The following KDM4C variants were observed in gnomAD, a reference collection of about 807,000 sequenced individuals.
The protein encoded by KDM4C is lysine demethylase 4C, also known as lysine-specific demethylase 4C.
A neutral mutation model predicts 129.3 loss-of-function variants in KDM4C; 81 were observed. That is an observed-to-expected ratio of 0.63 (90% CI 0.52 to 0.75). The LOEUF is 0.75. KDM4C is among the 30% of genes least tolerant of loss of function. KDM4C has a pLI of 0.00. For synonymous variants in KDM4C, 573 were observed against 456.1 expected (o/e 1.26, Z -3.26); for missense variants, 1,457 against 1,304.0 (o/e 1.12, Z -1.81).
At chr9:6,729,069 G>A (rs991475532) in intron 1 of KDM4C, among the ~76,000 whole-genome samples, 2 of 151,026 alleles carry the variant, frequency 1.3e-5, no homozygotes, top group African/African-American at 2.4e-5. Context: ...GCCGGGTGAG[G>A]TGGTGGGTGT....
rs1037826434 is a variant in KDM4C, at chr9:7,144,095, CTT to C, written c.2781+15863_2781+15864del. On this transcript the variant is annotated intron_variant, in intron 19 of 21. Transcript: ENST00000381309. ...TTTTGCATGTATACTCATTACTCCT[CTT>C]TTTGTTTTTTTTTTGTTTTTGTTTT... Among the ~76,000 whole-genome samples the C allele has an allele frequency of 2.6e-5, 4 of 151,748 alleles. No homozygotes were observed. The East Asian group carries it at 7.7e-4, about 29-fold the overall frequency.
At chr9:6,789,067 A>C (rs1826022728) in intron 1 of KDM4C, among the ~76,000 whole-genome samples, 1 of 149,794 alleles carries the variant, frequency 6.7e-6, no homozygotes, top group Non-Finnish European at 1.5e-5. Context: ...TTTTTGAAAC[A>C]GGGTCCCACT....
chr9:6,996,824 AT>A (rs1468229530), intron 12 of KDM4C, among the ~76,000 whole-genome samples: 3 of 152,068 alleles, frequency 2.0e-5, no homozygotes, highest in Non-Finnish European at 4.4e-5. Context: ...TATGCTGATA[AT>A]TTTTCATATT....
intron 8 of KDM4C, among the ~76,000 whole-genome samples, chr9:6,952,975 A>G (rs765437574): frequency 1.6e-4 from 25 of 152,174 alleles, no homozygotes; most frequent in Non-Finnish European, 3.5e-4. Context: ...TGGTACTTGC[A>G]TTTTTATGTG....
chr9:7,155,500 C>T (rs1843071258), intron 19 of KDM4C, among the ~76,000 whole-genome samples: 1 of 152,082 alleles, frequency 6.6e-6, no homozygotes, highest in African/African-American at 2.4e-5. Context: ...AAGGCTATCC[C>T]TCCCGCATCC....
At chr9:7,152,773 G>A (rs1307873302) in intron 19 of KDM4C, among the ~76,000 whole-genome samples, 1 of 152,180 alleles carries the variant, frequency 6.6e-6, no homozygotes, top group African/African-American at 2.4e-5. Flanking sequence ...GAAGGAACAT[G>A]GCATGAACTC....
chr9:6,860,202 G>T (rs1306989562), intron 5 of KDM4C, among the ~76,000 whole-genome samples: 1 of 152,092 alleles, frequency 6.6e-6, no homozygotes, highest in African/African-American at 2.4e-5. Context: ...GGGGATGGGG[G>T]GGCGTTTGGA....
intron 14 of KDM4C, among the ~76,000 whole-genome samples, chr9:7,014,703 A>G (rs992965131): frequency 2.0e-5 from 3 of 152,106 alleles, no homozygotes; most frequent in Non-Finnish European, 4.4e-5. Context: ...TATGGCCTGT[A>G]CTTTGTCAAT....
rs144345991 is a variant in KDM4C, at chr9:7,044,186, G to C, written c.2260-2676G>C. Among the ~76,000 whole-genome samples, 1,109 of 152,072 alleles carry C rather than the reference G, an allele frequency of 7.3e-3. 20 individuals are homozygous for C. Among genetic ancestry groups the C allele is most frequent in the African/African-American group, 0.024 (1,014 of 41,522 alleles). ...AGAAGTACCTGAGCCAGGGGATTGG[G>C]GATTCTTGTTTGAGGGAGTAACATT... On this transcript the variant is annotated intron_variant, in intron 15 of 21. Transcript: ENST00000381309.
chr9:7,051,125 A>G (rs1280657926), intron 17 of KDM4C, among the ~76,000 whole-genome samples: 2 of 152,152 alleles, frequency 1.3e-5, no homozygotes, highest in Non-Finnish European at 2.9e-5. Context: ...TCTTGACCAG[A>G]TTATTTTTCA....
intron 19 of KDM4C, among the ~76,000 whole-genome samples, chr9:7,143,374 A>C (rs1269380186): frequency 1.3e-5 from 2 of 152,246 alleles, no homozygotes; most frequent in African/African-American, 2.4e-5. Context: ...AGCAAGAATC[A>C]GCCTTCAAAT....
intron 8 of KDM4C, among the ~76,000 whole-genome samples, chr9:6,962,208 C>T (rs1312407505): frequency 6.6e-6 from 1 of 152,182 alleles, no homozygotes; most frequent in Non-Finnish European, 1.5e-5. Context: ...ACTTTGTATG[C>T]TCAACAGCCT....
intron 4 of KDM4C, among the ~76,000 whole-genome samples, chr9:6,827,417 T>A (rs942704176): frequency 2.6e-5 from 4 of 152,244 alleles, no homozygotes; most frequent in Admixed American, 2.6e-4. Context: ...AGAGCTCCTT[T>A]ATAAGAAACC....
chr9:6,894,692 C>T (rs1257145639), intron 8 of KDM4C, among the ~76,000 whole-genome samples: 1 of 152,154 alleles, frequency 6.6e-6, no homozygotes, highest in Non-Finnish European at 1.5e-5. Context: ...TGCATTTCCA[C>T]ATTTCCATGT....
intron 20 of KDM4C, 118 bp from the exon 21 acceptor site, chr9:7,169,680 G>A: frequency 1.3e-6 from 1 of 770,900 alleles, no homozygotes; most frequent in Non-Finnish European, 2.0e-6. Flanking sequence ...GTTGTTGGCT[G>A]GTTCCCTTGT....
chr9:7,122,265 A>ACACACACACACACACTCTCTCTCTCTCT (rs375655422), intron 18 of KDM4C, among the ~76,000 whole-genome samples: 25 of 144,708 alleles, frequency 1.7e-4, no homozygotes, highest in African/African-American at 5.7e-4. Context: ...ACACACACAC[A>ACACACACACACACACTCTCTCTCTCTCT]CTCTCTCTCT....
chr9:6,746,622 G>A (rs1040375321), intron 1 of KDM4C, among the ~76,000 whole-genome samples: 8 of 151,050 alleles, frequency 5.3e-5, no homozygotes, highest in Admixed American at 4.0e-4. Context: ...CCTCACGCCC[G>A]AAATCCCAGC....
chr9:7,019,918 G>A (rs1824479347), intron 15 of KDM4C, among the ~76,000 whole-genome samples: 1 of 151,612 alleles, frequency 6.6e-6, no homozygotes, highest in Non-Finnish European at 1.5e-5. Flanking sequence ...ACGCATGGCT[G>A]GAGTCAATAA....
At chr9:6,951,870 G>A (rs1319318827) in intron 8 of KDM4C, among the ~76,000 whole-genome samples, 2 of 152,058 alleles carry the variant, frequency 1.3e-5, no homozygotes, top group Non-Finnish European at 2.9e-5. Context: ...TTATTTAAAT[G>A]ACACGTTATA....
Sources: gnomAD v4.1 joint callset for allele counts (sites outside exome capture counted in the v4.1 genomes callset) on GRCh38, gnomAD v4.1.1 for gene constraint, MANE v1.5 for transcripts, NCBI Gene and HGNC (gene_info 2026-07-23, HGNC 2026-07-21) for gene names.